Variants in QRICH1 observed in about 807,000 individuals in gnomAD.
The protein encoded by QRICH1 is glutamine rich 1.
QRICH1 carries 16 observed loss-of-function variants against 87.1 expected under a neutral mutation model. That is an observed-to-expected ratio of 0.18 (90% CI 0.12 to 0.28). The LOEUF is 0.28. Among genes scored for constraint, QRICH1 ranks in the 10% least tolerant of loss-of-function variants. QRICH1 has a pLI of 1.00. For missense variants in QRICH1, 647 were observed against 951.7 expected, an observed-to-expected ratio of 0.68 and a Z score of 4.21; for synonymous variants, 367 against 368.4, an observed-to-expected ratio of 1.00 and a Z score of 0.05.
chr3:49,081,638 CTA>C (rs1001461078), intron 1 of QRICH1, among the ~76,000 whole-genome samples: 8 of 152,080 alleles, frequency 5.3e-5, no homozygotes, highest in Non-Finnish European at 8.8e-5. Context: ...GCGGCTGGGA[CTA>C]CAGGCGTGTA....
chr3:49,090,226 G>A (rs1167329106), intron 1 of QRICH1, among the ~76,000 whole-genome samples: 3 of 152,062 alleles, frequency 2.0e-5, no homozygotes, highest in Non-Finnish European at 2.9e-5. Flanking sequence ...GTGGGAGGCC[G>A]AGGCGGGCGG....
In QRICH1 at chr3:49,044,292, C is replaced by T. The variant is rs1211175042; in HGVS notation, c.1786+98G>A. The T allele has an allele frequency of 6.6e-6, 6 of 905,140 alleles. No individual in the cohort carries two copies. In the Admixed American group the frequency reaches 7.2e-5, roughly 11 times the overall value. 56.1% of individuals were successfully genotyped at this position (905,140 alleles called of 1,614,324 possible). ...GCTGCTGCAGTCTGGGATTTATATCCCCCCTCACTCACATGCTTTTCATAG... is the reference window on the plus strand; with the variant it reads ...GCTGCTGCAGTCTGGGATTTATATCTCCCCTCACTCACATGCTTTTCATAG... On this transcript the variant is annotated intron_variant, in intron 6 of 9. Coordinates refer to ENST00000395443, the MANE Select transcript of QRICH1 (RefSeq NM_198880.3).
At chr3:49,037,025 C>T (rs1294743858) in intron 6 of QRICH1, among the ~76,000 whole-genome samples, 2 of 148,984 alleles carry the variant, frequency 1.3e-5, no homozygotes, top group Non-Finnish European at 3.0e-5. Flanking sequence ...GAGCCGTGTT[C>T]CCATCACTGC....
At chr3:49,081,480 T>G (rs2042058365) in intron 1 of QRICH1, among the ~76,000 whole-genome samples, 1 of 152,014 alleles carries the variant, frequency 6.6e-6, no homozygotes, top group African/African-American at 2.4e-5. Context: ...ATCAGGAAAT[T>G]AAAGTTCCAC....
chr3:49,070,278 T>A (rs1434066784), intron 2 of QRICH1, among the ~76,000 whole-genome samples: 2 of 152,118 alleles, frequency 1.3e-5, no homozygotes, highest in Non-Finnish European at 2.9e-5. Context: ...CCTCAGGTGA[T>A]CCGCCTGCCT....
At chr3:49,071,637 G>A (rs1462370157) in intron 2 of QRICH1, among the ~76,000 whole-genome samples, 1 of 152,182 alleles carries the variant, frequency 6.6e-6, no homozygotes, top group Non-Finnish European at 1.5e-5. Context: ...TGGTAAGGAA[G>A]AGGAGGTCAA....
At chr3:49,056,515 G>C (rs1044942887) in intron 3 of QRICH1, among the ~76,000 whole-genome samples, 5 of 152,170 alleles carry the variant, frequency 3.3e-5, no homozygotes, top group Non-Finnish European at 5.9e-5. Flanking sequence ...ATGATACAAG[G>C]AAACAGCACT....
chr3:49,086,659 T>C (rs1312628393), intron 1 of QRICH1, among the ~76,000 whole-genome samples: 8 of 152,178 alleles, frequency 5.3e-5, no homozygotes, highest in Non-Finnish European at 1.2e-4. Context: ...GATGGTACCA[T>C]GGACAAAGGT....
At position 49,057,866 on chromosome 3, in the gene QRICH1, G is replaced by A; in HGVS notation, c.334C>T (p.Pro112Ser). The A allele has an allele frequency of 6.2e-7, 1 of 1,614,024 alleles. No individual in the cohort carries two copies. Among genetic ancestry groups the A allele is most frequent in the Non-Finnish European group, 8.5e-7 (1 of 1,180,010 alleles). ...VQVQVQVQQS[P>S]QQVSAQLSPQ... Reference sequence around the variant, plus strand: ...GAGAGCTGAGCCGAGACCTGTTGCGGAGACTGCTGTACCTGCACCTGGACC... The same window carrying A: ...GAGAGCTGAGCCGAGACCTGTTGCGAAGACTGCTGTACCTGCACCTGGACC... The change falls in exon 3 of 10, where the codon CCG becomes TCG. Residue 112 changes from proline (P) to serine (S), a missense_variant. This residue lies in a region of QRICH1 where 156 missense variants were observed against 164.5 expected (regional missense o/e 0.95). Coordinates refer to ENST00000395443, the MANE Select transcript of QRICH1 (RefSeq NM_198880.3). The surrounding 1 kb of genome is among the most constrained non-coding windows in gnomAD (Gnocchi z 5.4).
intron 2 of QRICH1, among the ~76,000 whole-genome samples, chr3:49,064,427 A>T (rs917663311): frequency 6.6e-6 from 1 of 151,340 alleles, no homozygotes; most frequent in Non-Finnish European, 1.5e-5. Context: ...TTGTTTTTGT[A>T]TTTTTAGTAG....
rs147625464 is a variant in QRICH1 at position 49,047,268 on chromosome 3, A to C, written c.1339-22T>G. The C allele has an allele frequency of 5.5e-5, 88 of 1,591,730 alleles. 1 individual carries two copies. The East Asian group carries it at 1.1e-3, about 21-fold the overall frequency. On this transcript the variant is annotated intron_variant, in intron 3 of 9. Coordinates refer to ENST00000395443, the MANE Select transcript of QRICH1 (RefSeq NM_198880.3). The stretch of plus-strand genomic sequence containing the variant: ...GAGCCTATAGGAGAGAAACCATGAA[A>C]ATGTGTCAATATTGTTTTATATTAG...
At chr3:49,076,299 C>T (rs1003995330) in intron 2 of QRICH1, among the ~76,000 whole-genome samples, 1 of 152,030 alleles carries the variant, frequency 6.6e-6, no homozygotes, top group African/African-American at 2.4e-5. Context: ...ACATCGCCGC[C>T]GGCGGGGTCA....
intron 1 of QRICH1, among the ~76,000 whole-genome samples, chr3:49,077,788 C>T (rs949120978): frequency 6.6e-6 from 1 of 152,158 alleles, no homozygotes; most frequent in Non-Finnish European, 1.5e-5. Context: ...TTTAGAAAAT[C>T]ATCTAGCACA....
intron 2 of QRICH1, among the ~76,000 whole-genome samples, chr3:49,063,510 C>A (rs1575356413): frequency 6.6e-6 from 1 of 152,198 alleles, no homozygotes; most frequent in Non-Finnish European, 1.5e-5. Flanking sequence ...GAATTTGGGG[C>A]TGGGCATCGT....
chr3:49,089,408 A>G (rs530941780), intron 1 of QRICH1, among the ~76,000 whole-genome samples: 1 of 152,290 alleles, frequency 6.6e-6, no homozygotes, highest in East Asian at 1.9e-4. Context: ...TTTCCCAAAT[A>G]TTGACGGATT....
chr3:49,062,823 T>C (rs2093443269), intron 2 of QRICH1, among the ~76,000 whole-genome samples: 1 of 151,704 alleles, frequency 6.6e-6, no homozygotes, highest in African/African-American at 2.4e-5. Flanking sequence ...CTGGCTAACA[T>C]GGTGAAACCC....
intron 3 of QRICH1, among the ~76,000 whole-genome samples, chr3:49,055,602 T>C (rs991013783): frequency 6.6e-6 from 1 of 152,050 alleles, no homozygotes; most frequent in Non-Finnish European, 1.5e-5. Context: ...GGCTCAAGCA[T>C]TCCTCCCACC....
At chr3:49,052,171 A>G (rs2106885037) in intron 3 of QRICH1, among the ~76,000 whole-genome samples, 1 of 152,260 alleles carries the variant, frequency 6.6e-6, no homozygotes, top group South Asian at 2.1e-4. Flanking sequence ...GAGAGGTGTG[A>G]TGGTAGAACC....
At chr3:49,076,611 C>T in intron 2 of QRICH1, 98 bp downstream of exon 2, 1 of 1,130,292 alleles carries the variant, frequency 8.8e-7, no homozygotes, top group East Asian at 2.8e-5. Context: ...TGTTAAATAA[C>T]CTATAACATC....
Sources: gnomAD v4.1 joint callset for allele counts (sites outside exome capture counted in the v4.1 genomes callset) on GRCh38, gnomAD v4.1.1 for gene constraint, gnomAD v4.1.1 regional missense constraint, Gnocchi (gnomAD v3.1) non-coding constraint, MANE v1.5 for transcripts, NCBI Gene and HGNC (gene_info 2026-07-23, HGNC 2026-07-21) for gene names.